NOX4: variants seen among roughly 807,000 people sequenced by gnomAD.
NOX4 encodes the protein kidney oxidase-1.
Under a neutral mutation model 87.6 loss-of-function variants are expected in NOX4, and 69 were observed. That is an observed-to-expected ratio of 0.79 (90% CI 0.65 to 0.96). The LOEUF is 0.96. Ranked by LOEUF, NOX4 falls within the 40% of genes least tolerant of loss-of-function variation. NOX4 has a pLI of 0.00. For synonymous variants in NOX4, 275 were observed against 238.2 expected, an observed-to-expected ratio of 1.15 and a Z score of -1.42; for missense variants, 680 against 681.5, an observed-to-expected ratio of 1.00 and a Z score of 0.02.
chr11:89,432,852 A>G lies in NOX4; in HGVS notation c.480T>C (p.Pro160=), dbSNP rs776158035. 4.4e-6 allele frequency: 7 copies of G among 1,608,456 alleles called. No homozygotes were observed. The highest frequency in any genetic ancestry group is 6.0e-6 in the Non-Finnish European group (7 of 1,175,740). ...CCACCATGCAGACCCCTGTCAGGCC[A>G]GGAACTATAAAAATGTATACAAGTA... ...DPRKLLFTTV[P]GLTGVCMVVV... is the part of the protein sequence containing the mutation. Residue 160 remains proline, a synonymous_variant, in exon 7 of 18, where the codon CCT becomes CCC. Transcript: ENST00000263317.
At position 89,477,757 on chromosome 11, in the gene NOX4, A is replaced by G. The variant is rs535957779; in HGVS notation, c.153+12701T>C. ...ATGGGTCTTTTTCATGTGTATATCA[A>G]TTTATGAGCTGCTTGACGAAGGTTT... On this transcript the variant is annotated intron_variant, in intron 2 of 17. Coordinates refer to ENST00000263317, the MANE Select transcript of NOX4 (RefSeq NM_016931.5). 2.1e-5 allele frequency among the ~76,000 whole-genome samples: 3 copies of G among 139,716 alleles called. No homozygotes were observed. The East Asian group carries it at 6.3e-4, about 29-fold the overall frequency. The allele number at this position is 139,716 out of a possible 152,430, so 91.7% of individuals were successfully genotyped here. A position where few individuals can be genotyped will look rare whatever the true frequency, so the allele number is the denominator to read the frequency against.
intron 2 of NOX4, among the ~76,000 whole-genome samples, chr11:89,485,832 T>A (rs1183976297): frequency 6.6e-6 from 1 of 151,944 alleles, no homozygotes; most frequent in Non-Finnish European, 1.5e-5. Context: ...CTCAATAGAT[T>A]TTTTTTTCCT....
At position 89,402,464 on chromosome 11, in the gene NOX4, A is replaced by G. The variant is rs1205758506; in HGVS notation, c.708T>C (p.Asn236=). Residue 236 remains asparagine, a synonymous_variant, in exon 9 of 18, where the codon AAT becomes AAC. Coordinates refer to ENST00000263317, the MANE Select transcript of NOX4 (RefSeq NM_016931.5). The stretch of plus-strand genomic sequence containing the variant: ...CTGAGAAATACTCTGGTAAGGAAAT[A>G]TTCTGAGAGCTGGTTCGGTTAAGAC... ...CISLNRTSSQ[N]ISLPEYFSEH... 1 of 1,612,598 alleles carries G rather than the reference A, an allele frequency of 6.2e-7. No individual in the cohort carries two copies. The highest frequency in any genetic ancestry group is 8.5e-7 in the Non-Finnish European group (1 of 1,179,394).
intron 14 of NOX4, among the ~76,000 whole-genome samples, chr11:89,340,579 C>T (rs1945942467): frequency 6.6e-6 from 1 of 152,140 alleles, no homozygotes; most frequent in Non-Finnish European, 1.5e-5. Context: ...CTGAGTAGGG[C>T]TCCAAAGGTC....
At chr11:89,584,669 G>A in the NOX4 span, among the ~76,000 whole-genome samples, 2 of 152,220 alleles carry the variant, frequency 1.3e-5, no homozygotes, top group African/African-American at 4.8e-5. Flanking sequence ...ATTCTAAAAA[G>A]TACAGCCTAT....
chr11:89,444,637 T>C (rs1345700080), intron 4 of NOX4, among the ~76,000 whole-genome samples: 3 of 152,008 alleles, frequency 2.0e-5, no homozygotes, highest in African/African-American at 7.2e-5. Flanking sequence ...ACCTCTTCCA[T>C]AGTTCCAAAT....
chr11:89,383,417 C>T (rs1940445436), intron 11 of NOX4, among the ~76,000 whole-genome samples: 1 of 152,208 alleles, frequency 6.6e-6, no homozygotes, highest in African/African-American at 2.4e-5. Flanking sequence ...GGCCCTCTGA[C>T]TGACTCCTTC....
At chr11:89,522,016 G>C in the NOX4 span, among the ~76,000 whole-genome samples, 1 of 148,520 alleles carries the variant, frequency 6.7e-6, no homozygotes, top group South Asian at 2.1e-4. Flanking sequence ...CTGTTAGAAA[G>C]AAAAAACAGC....
At chr11:89,332,669 A>G (rs1382007425) in intron 17 of NOX4, among the ~76,000 whole-genome samples, 1 of 151,842 alleles carries the variant, frequency 6.6e-6, no homozygotes, top group African/African-American at 2.4e-5. Flanking sequence ...ACATGGTAAA[A>G]TAAGATTGCC....
chr11:89,535,057 C>T, the NOX4 span, among the ~76,000 whole-genome samples: 46 of 152,072 alleles, frequency 3.0e-4, no homozygotes, highest in Non-Finnish European at 5.9e-4. Flanking sequence ...AATCTGTCTC[C>T]GCAATCTGAG....
Position 89,467,349 on chromosome 11 carries a change from CAAA to C in NOX4, c.154-15457_154-15455del, listed in dbSNP as rs71052233. Among the ~76,000 whole-genome samples the C allele has an allele frequency of 7.8e-3, 479 of 61,424 alleles. 2 individuals are homozygous for C. The highest frequency in any genetic ancestry group is 0.026 in the African/African-American group (453 of 17,588). The allele number at this position is 61,424 out of a possible 152,430, so 40.3% of individuals were successfully genotyped here. A position where few individuals can be genotyped will look rare whatever the true frequency, so the allele number is the denominator to read the frequency against. ...CTGGGCGACAGAGCCAAACTCGTCA[CAAA>C]AAAAAAAAAAAAAAAAAAAAAAAAA... On this transcript the variant is annotated intron_variant, in intron 2 of 17. Coordinates refer to ENST00000263317, the MANE Select transcript of NOX4 (RefSeq NM_016931.5).
intron 6 of NOX4, among the ~76,000 whole-genome samples, chr11:89,437,100 C>T (rs1234037674): frequency 4.6e-5 from 7 of 151,938 alleles, no homozygotes; most frequent in Non-Finnish European, 8.8e-5. Flanking sequence ...CAGTGGCTCA[C>T]GCCTGTAATC....
rs1846025444 is a variant in NOX4 at position 89,325,426 on chromosome 11, A to G, written c.*1330T>C. 1 of 152,104 alleles carries G rather than the reference A, an allele frequency of 6.6e-6. No individual in the cohort carries two copies. Among genetic ancestry groups the G allele is most frequent in the Non-Finnish European group, 1.5e-5 (1 of 68,034 alleles). The allele number at this position is 152,104 out of a possible 1,614,324, so 9.4% of individuals were successfully genotyped here. On this transcript the variant is annotated 3_prime_UTR_variant, in exon 18 of 18. Coordinates refer to ENST00000263317, the MANE Select transcript of NOX4 (RefSeq NM_016931.5). The stretch of plus-strand genomic sequence containing the variant: ...GTGAGCCATGAATGCCTTAATTCTT[A>G]AGATAGTAATGGGAAATATTGTTCT...
At chr11:89,430,583 A>G (rs942451631) in intron 7 of NOX4, among the ~76,000 whole-genome samples, 32 of 152,336 alleles carry the variant, frequency 2.1e-4, no homozygotes, top group Admixed American at 1.7e-3. Flanking sequence ...GAGCCAAATC[A>G]TGAGTGAACT....
chr11:89,410,782 A>T (rs1942436822), intron 8 of NOX4, among the ~76,000 whole-genome samples: 1 of 152,198 alleles, frequency 6.6e-6, no homozygotes, highest in Non-Finnish European at 1.5e-5. Flanking sequence ...AATAAACTTG[A>T]AAGGCAGTCT....
At chr11:89,548,645 A>G in the NOX4 span, 1 of 152,144 alleles carries the variant, frequency 6.6e-6, no homozygotes, top group African/African-American at 2.4e-5. Context: ...GAAGTGAGAT[A>G]TTTGACTTCC....
chr11:89,552,674 C>T, the NOX4 span, among the ~76,000 whole-genome samples: 2 of 152,130 alleles, frequency 1.3e-5, no homozygotes, highest in East Asian at 3.9e-4. Context: ...CTCTTGAGTT[C>T]ATTGGATTTA....
intron 2 of NOX4, among the ~76,000 whole-genome samples, chr11:89,459,012 C>T (rs1945331576): frequency 2.6e-5 from 4 of 152,096 alleles, no homozygotes; most frequent in African/African-American, 7.2e-5. Flanking sequence ...CACATACATT[C>T]ATCACAGCAC....
At chr11:89,389,065 A>G (rs867609779) in intron 11 of NOX4, among the ~76,000 whole-genome samples, 24 of 152,314 alleles carry the variant, frequency 1.6e-4, no homozygotes, top group African/African-American at 5.3e-4. Flanking sequence ...TGGTATTCCA[A>G]AATCCATGAT....
Sources: gnomAD v4.1 joint callset for allele counts (sites outside exome capture counted in the v4.1 genomes callset) on GRCh38, gnomAD v4.1.1 for gene constraint, MANE v1.5 for transcripts, NCBI Gene and HGNC (gene_info 2026-07-23, HGNC 2026-07-21) for gene names.